ANKS1B: variants seen among roughly 807,000 people sequenced by gnomAD.
ANKS1B encodes the protein ankyrin repeat and sterile alpha motif domain containing 1B.
In ANKS1B, 36 loss-of-function variants were observed where a neutral mutation model predicts 148.3. That is an observed-to-expected ratio of 0.24 (90% CI 0.19 to 0.32). The LOEUF (loss-of-function observed/expected upper bound fraction) is 0.32. ANKS1B is among the 10% of genes least tolerant of loss of function. The pLI is 1.00. For synonymous variants in ANKS1B, 542 were observed against 560.8 expected (o/e 0.97, Z 0.47); for missense variants, 1,157 against 1,542.6 (o/e 0.75, Z 4.19).
intron 1 of ANKS1B, among the ~76,000 whole-genome samples, chr12:99,943,615 AC>A (rs2094974804): frequency 6.6e-6 from 1 of 152,052 alleles, no homozygotes; most frequent in Non-Finnish European, 1.5e-5. Flanking sequence ...CCTTTATAAA[AC>A]CAGATCTCGT....
chr12:99,517,016 T>C (rs1341638952), intron 9 of ANKS1B, among the ~76,000 whole-genome samples: 1 of 152,174 alleles, frequency 6.6e-6, no homozygotes, highest in Non-Finnish European at 1.5e-5. Flanking sequence ...TAGTTCCATA[T>C]AAATTTTAGA....
intron 9 of ANKS1B, among the ~76,000 whole-genome samples, chr12:99,530,860 A>C (rs965648448): frequency 2.0e-5 from 3 of 152,202 alleles, no homozygotes; most frequent in Admixed American, 6.5e-5. Flanking sequence ...TTGTTGAATA[A>C]AAATATGAAT....
At chr12:99,606,751 C>T (rs2097854285) in intron 9 of ANKS1B, among the ~76,000 whole-genome samples, 1 of 152,124 alleles carries the variant, frequency 6.6e-6, no homozygotes, top group Non-Finnish European at 1.5e-5. Context: ...ATCTCATTCA[C>T]ATTTACCTAA....
At chr12:98,946,026 G>A (rs965100432) in intron 17 of ANKS1B, among the ~76,000 whole-genome samples, 1 of 152,130 alleles carries the variant, frequency 6.6e-6, no homozygotes, top group African/African-American at 2.4e-5. Context: ...GGTTGAGGTC[G>A]ATCTTGTAGT....
chr12:98,972,025 G>A (rs1041712737), intron 17 of ANKS1B, among the ~76,000 whole-genome samples: 15 of 152,056 alleles, frequency 9.9e-5, no homozygotes, highest in African/African-American at 2.2e-4. Flanking sequence ...AAAATTAGCC[G>A]GGCGTGGTGG....
chr12:99,549,790 G>A (rs1031755321), intron 9 of ANKS1B, among the ~76,000 whole-genome samples: 2 of 152,068 alleles, frequency 1.3e-5, no homozygotes, highest in Non-Finnish European at 2.9e-5. Flanking sequence ...GTAAACTCCC[G>A]CCATTCCACA....
rs142004241 is a variant in ANKS1B at position 99,334,185 on chromosome 12, GATAGATACATAGATAC to G, written c.1756+65430_1756+65445del. ...AGACAGACAGACAGACAGACAGATA[GATAGATACATAGATAC>G]ATAGATACATAGATACATAGAAAGA... On this transcript the variant is annotated intron_variant, in intron 12 of 26. Coordinates refer to ENST00000683438, the MANE Select transcript of ANKS1B (RefSeq NM_001352186.2). Among the ~76,000 whole-genome samples the G allele has an allele frequency of 5.3e-5, 8 of 150,372 alleles. No homozygotes were observed. In the South Asian group the frequency reaches 6.3e-4, roughly 12 times the overall value.
chr12:99,561,963 T>C (rs2097340919), intron 9 of ANKS1B, among the ~76,000 whole-genome samples: 1 of 152,232 alleles, frequency 6.6e-6, no homozygotes, highest in Non-Finnish European at 1.5e-5. Flanking sequence ...TAGTCTTACA[T>C]TATATATTTC....
Position 99,709,137 on chromosome 12 carries a change from T to G in ANKS1B, c.1129-53927A>C, listed in dbSNP as rs573921853. Among the ~76,000 whole-genome samples the G allele has an allele frequency of 7.2e-5, 11 of 152,152 alleles. No individual in the cohort carries two copies. In the South Asian group the frequency reaches 2.3e-3, roughly 32 times the overall value. On this transcript the variant is annotated intron_variant, in intron 8 of 26. Transcript: ENST00000683438. ...CTTGGCAATCTCATGAATACTGCTGTGTGTGTGTGCACGCACACATGCACA... is the reference window on the plus strand; with the variant it reads ...CTTGGCAATCTCATGAATACTGCTGGGTGTGTGTGCACGCACACATGCACA...
chr12:98,907,977 C>A (rs1269497297), intron 17 of ANKS1B, among the ~76,000 whole-genome samples: 2 of 152,168 alleles, frequency 1.3e-5, no homozygotes, highest in Non-Finnish European at 2.9e-5. Flanking sequence ...GTCCATTAAA[C>A]CTCTTTTTCT....
chr12:99,740,958 A>G (rs12816975), intron 8 of ANKS1B, among the ~76,000 whole-genome samples: 32,340 of 152,052 alleles, frequency 0.21, 3,634 homozygotes, highest in Non-Finnish European at 0.24. Context: ...GGTTTCAAGC[A>G]CAAAAGTAGG....
intron 19 of ANKS1B, among the ~76,000 whole-genome samples, chr12:98,809,258 T>C (rs1475548737): frequency 6.6e-6 from 1 of 152,202 alleles, no homozygotes; most frequent in Non-Finnish European, 1.5e-5. Context: ...AGAGGGTTCT[T>C]CCTCTTCTTA....
intron 11 of ANKS1B, among the ~76,000 whole-genome samples, chr12:99,417,996 A>G (rs1201118623): frequency 6.6e-6 from 1 of 152,230 alleles, no homozygotes; most frequent in African/African-American, 2.4e-5. Context: ...TGTCCTTCAG[A>G]AATGAGAGAG....
chr12:99,610,112 C>A (rs752971156), intron 9 of ANKS1B, among the ~76,000 whole-genome samples: 1 of 152,000 alleles, frequency 6.6e-6, no homozygotes, highest in Non-Finnish European at 1.5e-5. Flanking sequence ...AAAAGGTTAA[C>A]AAGAAAAGCA....
At chr12:99,265,672 A>G (rs1161656918) in intron 12 of ANKS1B, among the ~76,000 whole-genome samples, 4 of 152,112 alleles carry the variant, frequency 2.6e-5, no homozygotes, top group Non-Finnish European at 4.4e-5. Context: ...TTCGCTTCTC[A>G]CAGTTGTCCT....
chr12:99,572,258 CTTGAA>C (rs1410922871), intron 9 of ANKS1B, among the ~76,000 whole-genome samples: 1 of 152,022 alleles, frequency 6.6e-6, no homozygotes, highest in Non-Finnish European at 1.5e-5. Flanking sequence ...TTAATACCAT[CTTGAA>C]TTGAAATAAA....
intron 1 of ANKS1B, among the ~76,000 whole-genome samples, chr12:99,949,676 A>G (rs1231933960): frequency 6.6e-6 from 1 of 152,146 alleles, no homozygotes; most frequent in Non-Finnish European, 1.5e-5. Context: ...TTGGATTCAA[A>G]AGAAAAAAGT....
intron 11 of ANKS1B, among the ~76,000 whole-genome samples, chr12:99,402,803 A>G (rs2094439350): frequency 6.8e-6 from 1 of 146,232 alleles, no homozygotes; most frequent in African/African-American, 2.6e-5. Context: ...TCTTTGTAAT[A>G]GAATGATTTA....
chr12:99,877,602 T>C (rs568248927), intron 1 of ANKS1B, among the ~76,000 whole-genome samples: 1 of 152,370 alleles, frequency 6.6e-6, no homozygotes, highest in Admixed American at 6.5e-5. Context: ...TTGACTGATA[T>C]TTTAACAATG....
Sources: gnomAD v4.1 joint callset for allele counts (sites outside exome capture counted in the v4.1 genomes callset) on GRCh38, gnomAD v4.1.1 for gene constraint, MANE v1.5 for transcripts, NCBI Gene and HGNC (gene_info 2026-07-23, HGNC 2026-07-21) for gene names.